CDH4: variants seen among roughly 807,000 people sequenced by gnomAD.
The protein encoded by CDH4 is cadherin-4.
A neutral mutation model predicts 86.0 loss-of-function variants in CDH4; 33 were observed. That is an observed-to-expected ratio of 0.38 (90% CI 0.29 to 0.51). CDH4 has a LOEUF of 0.51. Among genes scored for constraint, CDH4 ranks in the 20% least tolerant of loss-of-function variants. The pLI, the probability that CDH4 is intolerant of heterozygous loss-of-function variation, is 0.86. For missense variants in CDH4, 1,114 were observed against 1,307.4 expected (o/e 0.85, Z 2.28); for synonymous variants, 555 against 549.4 (o/e 1.01, Z -0.14).
intron 2 of CDH4, among the ~76,000 whole-genome samples, chr20:61,731,288 C>T (rs2088182061): frequency 1.3e-5 from 2 of 152,140 alleles, no homozygotes; most frequent in Non-Finnish European, 2.9e-5. Flanking sequence ...CCCTCGGCCC[C>T]CCGGCGGCCC....
rs75919567 is a variant in CDH4 at position 61,763,472 on chromosome 20, C to T, written c.397-9531C>T. ...CGCAATGGCTACGGCACTGCGGAGC[C>T]GGTGCTCAGTTCAGGATTCCCAGGG... On this transcript the variant is annotated intron_variant, in intron 3 of 15. Coordinates refer to ENST00000614565, the MANE Select transcript of CDH4 (RefSeq NM_001794.5). Among the ~76,000 whole-genome samples, 103 of 152,318 alleles carry T rather than the reference C, an allele frequency of 6.8e-4. 1 individual carries two copies. The East Asian group carries it at 0.015, about 22-fold the overall frequency.
intron 4 of CDH4, among the ~76,000 whole-genome samples, chr20:61,782,300 C>G (rs1476229208): frequency 1.3e-5 from 2 of 152,088 alleles, no homozygotes; most frequent in Non-Finnish European, 2.9e-5. Flanking sequence ...CAGAGTGATA[C>G]TCTGCCTCAA....
intron 2 of CDH4, among the ~76,000 whole-genome samples, chr20:61,365,127 G>A (rs1214840528): frequency 6.6e-6 from 1 of 152,196 alleles, no homozygotes; most frequent in African/African-American, 2.4e-5. Context: ...ATGCACCTCA[G>A]TGCCCAACTC....
At chr20:61,749,027 A>G (rs1269876860) in intron 3 of CDH4, among the ~76,000 whole-genome samples, 1 of 152,234 alleles carries the variant, frequency 6.6e-6, no homozygotes, top group Non-Finnish European at 1.5e-5. Flanking sequence ...GTTTAGCAGT[A>G]AAATCCTAGA....
chr20:61,504,228 C>T (rs1021887580), intron 2 of CDH4, among the ~76,000 whole-genome samples: 2 of 152,196 alleles, frequency 1.3e-5, no homozygotes, highest in African/African-American at 2.4e-5. Flanking sequence ...CACTGGGGCG[C>T]GAGCCTCTGC....
intron 4 of CDH4, among the ~76,000 whole-genome samples, chr20:61,812,518 C>T (rs1283152007): frequency 6.6e-6 from 1 of 152,082 alleles, no homozygotes; most frequent in Non-Finnish European, 1.5e-5. Context: ...TTTGACGTAT[C>T]CTTTAACCCC....
At chr20:61,757,452 C>T (rs965300793) in intron 3 of CDH4, among the ~76,000 whole-genome samples, 4 of 152,244 alleles carry the variant, frequency 2.6e-5, no homozygotes, top group South Asian at 4.1e-4. Context: ...CCTTGAACGA[C>T]ATCTGGGCCA....
At chr20:61,271,294 T>C (rs1261867729) in intron 2 of CDH4, among the ~76,000 whole-genome samples, 2 of 152,156 alleles carry the variant, frequency 1.3e-5, no homozygotes, top group South Asian at 2.1e-4. Context: ...CGAGAGCAAA[T>C]GTGGAGAGCC....
At chr20:61,773,605 A>C (rs1202462287) in intron 4 of CDH4, among the ~76,000 whole-genome samples, 1 of 152,156 alleles carries the variant, frequency 6.6e-6, no homozygotes, top group African/African-American at 2.4e-5. Context: ...TCTGTCTGCA[A>C]GTTCTTGGTC....
intron 2 of CDH4, among the ~76,000 whole-genome samples, chr20:61,613,922 T>C (rs1399550672): frequency 6.6e-6 from 1 of 152,050 alleles, no homozygotes; most frequent in Non-Finnish European, 1.5e-5. Flanking sequence ...TTTTTCCAAA[T>C]GCAGCTTAAA....
At chr20:61,556,885 G>A (rs918898988) in intron 2 of CDH4, among the ~76,000 whole-genome samples, 6 of 152,134 alleles carry the variant, frequency 3.9e-5, no homozygotes, top group African/African-American at 9.7e-5. Flanking sequence ...CCGAGAACAC[G>A]TGAGGCGCCG....
At chr20:61,388,895 A>G (rs1430674712) in intron 2 of CDH4, among the ~76,000 whole-genome samples, 1 of 152,222 alleles carries the variant, frequency 6.6e-6, no homozygotes, top group African/African-American at 2.4e-5. Flanking sequence ...AAGCCCTTAT[A>G]TTCTGTTTCG....
At chr20:61,828,225 G>A (rs1444493152) in intron 4 of CDH4, among the ~76,000 whole-genome samples, 6 of 152,154 alleles carry the variant, frequency 3.9e-5, no homozygotes, top group African/African-American at 1.2e-4. Context: ...CAGTGGCAAC[G>A]AGAGAGACCA....
intron 9 of CDH4, among the ~76,000 whole-genome samples, chr20:61,921,700 C>T (rs1238955633): frequency 3.4e-5 from 5 of 148,136 alleles, no homozygotes; most frequent in African/African-American, 7.6e-5. Context: ...TGCAGTGAGC[C>T]GAGATCATGC....
At chr20:61,332,357 T>C (rs2084587085) in intron 2 of CDH4, among the ~76,000 whole-genome samples, 1 of 152,210 alleles carries the variant, frequency 6.6e-6, no homozygotes, top group Admixed American at 6.5e-5. Context: ...CCCATGATGC[T>C]GGCCCACTGC....
At chr20:61,692,645 G>A (rs2087672318) in intron 2 of CDH4, among the ~76,000 whole-genome samples, 1 of 152,170 alleles carries the variant, frequency 6.6e-6, no homozygotes, top group Non-Finnish European at 1.5e-5. Context: ...AAATCCCCAG[G>A]CACGGAAGTG....
chr20:61,261,724 T>A (rs1233153164), intron 2 of CDH4, among the ~76,000 whole-genome samples: 2 of 152,176 alleles, frequency 1.3e-5, no homozygotes, highest in Non-Finnish European at 2.9e-5. Flanking sequence ...CGGACCCAGA[T>A]GTTCAGGGCC....
intron 9 of CDH4, among the ~76,000 whole-genome samples, chr20:61,915,994 C>A (rs751713755): frequency 3.9e-5 from 6 of 152,174 alleles, no homozygotes; most frequent in Non-Finnish European, 8.8e-5. Flanking sequence ...CACACTTTTT[C>A]TTTTTTCTTT....
intron 2 of CDH4, among the ~76,000 whole-genome samples, chr20:61,631,591 C>A (rs1358450549): frequency 2.0e-5 from 3 of 152,168 alleles, no homozygotes; most frequent in Non-Finnish European, 4.4e-5. Context: ...TTGCAGTGAG[C>A]CGAGATCACG....
Sources: gnomAD v4.1 joint callset for allele counts (sites outside exome capture counted in the v4.1 genomes callset) on GRCh38, gnomAD v4.1.1 for gene constraint, MANE v1.5 for transcripts, NCBI Gene and HGNC (gene_info 2026-07-23, HGNC 2026-07-21) for gene names.